SULF1: variants seen among roughly 807,000 people sequenced by gnomAD.
The protein encoded by SULF1 is sulfatase 1, also known as extracellular sulfatase Sulf-1.
SULF1 carries 46 observed loss-of-function variants against 110.5 expected under a neutral mutation model. The ratio of observed to expected loss-of-function variants is 0.42; its 90% confidence interval spans 0.33 to 0.53. The LOEUF (loss-of-function observed/expected upper bound fraction) is 0.53, where lower values mean the gene tolerates loss of function less well. SULF1 is among the 20% of genes least tolerant of loss of function. SULF1 has a pLI of 0.12. For missense variants in SULF1, 941 were observed against 1,094.2 expected (o/e 0.86, Z 1.98); for synonymous variants, 371 against 387.1 (o/e 0.96, Z 0.49).
intron 5 of SULF1, among the ~76,000 whole-genome samples, chr8:69,569,617 A>G (rs1805075839): frequency 6.6e-6 from 1 of 152,216 alleles, no homozygotes; most frequent in Non-Finnish European, 1.5e-5. Flanking sequence ...CAAAGGTAAA[A>G]CAACAAAAAG....
intron 13 of SULF1, among the ~76,000 whole-genome samples, chr8:69,608,797 A>G (rs1471355472): frequency 6.6e-6 from 1 of 152,180 alleles, no homozygotes; most frequent in African/African-American, 2.4e-5. Context: ...TTAAGACAAC[A>G]TGGACATATG....
At chr8:69,531,387 G>T (rs763751829) in intron 3 of SULF1, among the ~76,000 whole-genome samples, 4 of 152,102 alleles carry the variant, frequency 2.6e-5, no homozygotes, top group African/African-American at 9.7e-5. Context: ...ACTATGCTCT[G>T]CCCACAATGA....
Position 69,557,660 on chromosome 8 carries a change from C to T in SULF1, c.-133-5879C>T, listed in dbSNP as rs184038604. On this transcript the variant is annotated intron_variant, in intron 3 of 22. Transcript: ENST00000402687. ...AATGCAACAGATTATTGAAAAAATT[C>T]AATATATATATGAATTAAGCCAAAA... Among the ~76,000 whole-genome samples the T allele has an allele frequency of 8.0e-4, 122 of 152,184 alleles. 1 individual carries two copies. Among genetic ancestry groups the T allele is most frequent in the African/African-American group, 2.8e-3 (118 of 41,516 alleles).
At chr8:69,488,757 A>G, upstream of SULF1, among the ~76,000 whole-genome samples, 1 of 151,994 alleles carries the variant, frequency 6.6e-6, no homozygotes, top group East Asian at 1.9e-4. Flanking sequence ...AAGTCACATA[A>G]ACTCACAGCC....
chr8:69,656,920 CTAAT>C (rs1812779140), intron 22 of SULF1, among the ~76,000 whole-genome samples: 1 of 152,212 alleles, frequency 6.6e-6, no homozygotes, highest in African/African-American at 2.4e-5. Context: ...AATGGTTGAA[CTAAT>C]TTATACTCCC....
chr8:69,488,471 G>A (rs1202739558), upstream of SULF1, among the ~76,000 whole-genome samples: 1 of 151,918 alleles, frequency 6.6e-6, no homozygotes, highest in Non-Finnish European at 1.5e-5. Context: ...AAAACTCAGG[G>A]GCCCTGAAAT....
intron 3 of SULF1, among the ~76,000 whole-genome samples, chr8:69,526,951 G>A (rs1812740215): frequency 6.6e-6 from 1 of 152,094 alleles, no homozygotes; most frequent in South Asian, 2.1e-4. Flanking sequence ...GAGAAAGATA[G>A]AAAAAATAAT....
intron 8 of SULF1, among the ~76,000 whole-genome samples, chr8:69,589,777 C>T (rs956433736): frequency 6.6e-6 from 1 of 151,970 alleles, no homozygotes; most frequent in Admixed American, 6.6e-5. Context: ...TGTCGTGTGC[C>T]CACAATTCTC....
chr8:69,568,468 A>G (rs1207134631), intron 5 of SULF1, among the ~76,000 whole-genome samples: 1 of 152,244 alleles, frequency 6.6e-6, no homozygotes, highest in African/African-American at 2.4e-5. Flanking sequence ...CATTAATAAA[A>G]GTACTAGAAC....
upstream of SULF1, among the ~76,000 whole-genome samples, chr8:69,490,927 A>C (rs1809909829): frequency 6.6e-6 from 1 of 152,212 alleles, no homozygotes; most frequent in Non-Finnish European, 1.5e-5. Context: ...ACAAAATGAG[A>C]GATGATCCTA....
intron 22 of SULF1, among the ~76,000 whole-genome samples, chr8:69,646,386 C>T (rs1027525222): frequency 2.0e-5 from 3 of 151,880 alleles, no homozygotes; most frequent in Non-Finnish European, 4.4e-5. Flanking sequence ...GTATGTAACC[C>T]TCTCGATAAC....
At chr8:69,632,403 T>C (rs1308558255) in intron 19 of SULF1, among the ~76,000 whole-genome samples, 1 of 152,160 alleles carries the variant, frequency 6.6e-6, no homozygotes, top group African/African-American at 2.4e-5. Flanking sequence ...ATATGTAATA[T>C]ATATACTAAA....
chr8:69,531,958 C>A (rs1415609927), intron 3 of SULF1, among the ~76,000 whole-genome samples: 1 of 152,162 alleles, frequency 6.6e-6, no homozygotes, highest in African/African-American at 2.4e-5. Context: ...ACCTTAACAG[C>A]AGCCATGGCT....
At chr8:69,543,221 T>C (rs905047123) in intron 3 of SULF1, among the ~76,000 whole-genome samples, 22 of 152,138 alleles carry the variant, frequency 1.4e-4, no homozygotes, top group Admixed American at 1.3e-4. Flanking sequence ...GTTGTTGTTG[T>C]TTATTTCTTT....
chr8:69,556,958 TC>T (rs1160259174), intron 3 of SULF1, among the ~76,000 whole-genome samples: 1 of 152,076 alleles, frequency 6.6e-6, no homozygotes, highest in African/African-American at 2.4e-5. Context: ...CGTGTGCTGT[TC>T]CCCCACATGG....
intron 3 of SULF1, among the ~76,000 whole-genome samples, chr8:69,535,832 C>G (rs1213882384): frequency 6.6e-6 from 1 of 152,044 alleles, no homozygotes; most frequent in African/African-American, 2.4e-5. Context: ...GAGTTTGAGA[C>G]CAGCCTGTCC....
At chr8:69,644,470 C>T (rs1811725689) in intron 22 of SULF1, among the ~76,000 whole-genome samples, 1 of 152,040 alleles carries the variant, frequency 6.6e-6, no homozygotes, top group Admixed American at 6.6e-5. Context: ...AGGTATTCAC[C>T]AGCACCACCA....
At chr8:69,592,777 AAT>A in intron 8 of SULF1, 1 of 244,342 alleles carries the variant, frequency 4.1e-6, no homozygotes, top group African/African-American at 2.3e-5. Flanking sequence ...ACAAAAGGGC[AAT>A]TTCATGTGGC....
intron 3 of SULF1, among the ~76,000 whole-genome samples, chr8:69,531,772 C>A (rs186206274): frequency 6.6e-6 from 1 of 152,282 alleles, no homozygotes; most frequent in East Asian, 1.9e-4. Context: ...ATAATCGATG[C>A]TGCTTCTTTG....
Sources: allele counts gnomAD v4.1 joint callset (sites outside exome capture counted in the v4.1 genomes callset), GRCh38; gene constraint gnomAD v4.1.1; transcripts MANE v1.5; gene names NCBI Gene and HGNC (gene_info 2026-07-23, HGNC 2026-07-21).